Variants in XYLT2 observed in about 807,000 individuals in gnomAD.
XYLT2 encodes the protein xylosyltransferase 2, also known as UDP-D-xylose:proteoglycan core protein beta-D-xylosyltransferase.
Under a neutral mutation model 82.6 loss-of-function variants are expected in XYLT2, and 37 were observed. The ratio of observed to expected loss-of-function variants is 0.45; its 90% CI spans 0.34 to 0.59. The LOEUF is 0.59. XYLT2 is among the 20% of genes least tolerant of loss of function. The pLI is 0.01. For synonymous variants in XYLT2, 474 were observed against 499.0 expected, an observed-to-expected ratio of 0.95 and a Z score of 0.67; for missense variants, 934 against 1,181.3, an observed-to-expected ratio of 0.79 and a Z score of 3.07.
intron 1 of XYLT2, among the ~76,000 whole-genome samples, chr17:50,352,660 G>A (rs1205248566): frequency 6.6e-6 from 1 of 152,232 alleles, no homozygotes; most frequent in Admixed American, 6.5e-5. Flanking sequence ...TTTGAGGAGA[G>A]GCAGCAGGTA....
Position 50,360,575 on chromosome 17 carries a change from T to TTC in XYLT2, c.*285_*286insCT, listed in dbSNP as rs202152162. On this transcript the variant is annotated 3_prime_UTR_variant, in exon 11 of 11. Coordinates refer to ENST00000017003, the MANE Select transcript of XYLT2 (RefSeq NM_022167.4). The stretch of plus-strand genomic sequence containing the variant: ...TAGTTTGAATTTCTTTTTTTTCTTT[T>TTC]TTTTTTTTTTTTTTTAATTTAAAAA... 2.0e-3 allele frequency: 2,159 copies of TTC among 1,090,728 alleles called. 3 individuals are homozygous for TTC. Among genetic ancestry groups the TTC allele is most frequent in the African/African-American group, 3.2e-3 (193 of 59,562 alleles). The allele number at this position is 1,090,728 out of a possible 1,614,324, so 67.6% of individuals were successfully genotyped here. A position where few individuals can be genotyped will look rare whatever the true frequency, so the allele number is the denominator to read the frequency against.
Position 50,346,628 on chromosome 17 carries a change from G to A in XYLT2, c.135+353G>A, listed in dbSNP as rs1912055318. ...CTGGGCCCGAACCTGCTCGGAGGTG[G>A]GGAGCCCCAGGCCAAACTTTCTGAA... On this transcript the variant is annotated intron_variant, in intron 1 of 10. Transcript: ENST00000017003. The surrounding 1 kb of genome is among the most constrained non-coding windows in gnomAD (Gnocchi z 5.1). 9 of 985,360 alleles carry A rather than the reference G, an allele frequency of 9.1e-6. No individual in the cohort carries two copies. Among genetic ancestry groups the A allele is most frequent in the Non-Finnish European group, 1.1e-5 (9 of 829,864 alleles). The allele number at this position is 985,360 out of a possible 1,614,324, so 61.0% of individuals were successfully genotyped here. A position where few individuals can be genotyped will look rare whatever the true frequency, so the allele number is the denominator to read the frequency against.
intron 1 of XYLT2, among the ~76,000 whole-genome samples, chr17:50,350,681 TGAG>T (rs1167740572): frequency 6.6e-6 from 1 of 151,946 alleles, no homozygotes; most frequent in East Asian, 1.9e-4. Context: ...TACAATCTTC[TGAG>T]GAGAAAGACA....
chr17:50,355,671 CA>C, intron 5 of XYLT2, 90 bp downstream of exon 5: 2 of 1,592,056 alleles, frequency 1.3e-6, no homozygotes, highest in Non-Finnish European at 1.7e-6. Flanking sequence ...CCCTGGGTTT[CA>C]AAGCCTCCAC....
At chr17:50,355,429 A>G (rs1912476751) in intron 4 of XYLT2, 72 bp from the exon 5 acceptor site, 11 of 1,525,906 alleles carry the variant, frequency 7.2e-6, no homozygotes, top group Non-Finnish European at 9.1e-6. Flanking sequence ...AAGAAAAGCC[A>G]GAAGGTCCGC....
At chr17:50,347,379 C>CT (rs991586116) in intron 1 of XYLT2, among the ~76,000 whole-genome samples, 3 of 151,914 alleles carry the variant, frequency 2.0e-5, no homozygotes, top group Non-Finnish European at 4.4e-5. Flanking sequence ...CTGCCCTTGC[C>CT]TTTTTTTGGG....
At position 50,358,244 on chromosome 17, in the gene XYLT2, G is replaced by A. The variant is rs764623385; in HGVS notation, c.1979G>A (p.Arg660Gln). Residue 660 changes from arginine (R) to glutamine (Q), a missense_variant, in exon 10 of 11, where the codon CGG becomes CAG. Arg to Gln is a conservative substitution (Grantham distance 43). Transcript: ENST00000017003. ...TDWDPKERLF[R>Q]NFGGLLGPLD... ...TGGGACCCCAAAGAGCGTCTTTTCC[G>A]GAACTTTGGGGGGTTACTGGGGCCG... 18 of 1,610,640 alleles carry A rather than the reference G, an allele frequency of 1.1e-5. No individual in the cohort carries two copies. The highest frequency in any genetic ancestry group is 1.4e-5 in the Non-Finnish European group (16 of 1,178,032).
Position 50,346,807 on chromosome 17 carries a change from G to A in XYLT2, c.135+532G>A. The A allele has an allele frequency of 1.0e-6, 1 of 985,386 alleles. No individual in the cohort carries two copies. Among genetic ancestry groups the A allele is most frequent in the Non-Finnish European group, 1.2e-6 (1 of 829,918 alleles). 61.0% of individuals were successfully genotyped at this position (985,386 alleles called of 1,614,324 possible). A position where few individuals can be genotyped will look rare whatever the true frequency, so the allele number is the denominator to read the frequency against. On this transcript the variant is annotated intron_variant, in intron 1 of 10. Transcript: ENST00000017003. This position sits in a 1 kb window ranked among gnomAD's most constrained non-coding sequence, Gnocchi z 5.1. ...GGCCTGGGACAAAGTGTGTACCCGG[G>A]AACTGAAGGAACAGGGAGTGACGCC...
At chr17:50,350,549 AGAGT>A (rs1912225305) in intron 1 of XYLT2, among the ~76,000 whole-genome samples, 1 of 151,194 alleles carries the variant, frequency 6.6e-6, no homozygotes, top group South Asian at 2.1e-4. Context: ...CCTGGGCAAT[AGAGT>A]GAGACTGCCT....
intron 8 of XYLT2, 48 bp downstream of exon 8, chr17:50,356,821 TA>T: frequency 6.4e-7 from 1 of 1,561,558 alleles, no homozygotes. Flanking sequence ...TGTGGTGCCC[TA>T]GGGGGAGGCC....
chr17:50,354,811 G>A, intron 3 of XYLT2, 43 bp from the exon 4 acceptor site: 2 of 1,607,466 alleles, frequency 1.2e-6, no homozygotes, highest in Non-Finnish European at 1.7e-6. Flanking sequence ...GATTGGGGAT[G>A]GCGATAACAC....
chr17:50,352,085 G>A (rs1320954099), intron 1 of XYLT2, among the ~76,000 whole-genome samples: 1 of 152,208 alleles, frequency 6.6e-6, no homozygotes, highest in Admixed American at 6.5e-5. Flanking sequence ...ATTAAGTCAC[G>A]CTGCTGAAAG....
At chr17:50,355,189 C>T (rs1269144539) in intron 4 of XYLT2, 133 bp downstream of exon 4, 3 of 997,724 alleles carry the variant, frequency 3.0e-6, no homozygotes, top group Non-Finnish European at 2.9e-6. Flanking sequence ...AGACATGGGC[C>T]CCTGGGCCCC....
Position 50,358,295 on chromosome 17 carries a change from G to A in XYLT2, c.2030G>A (p.Arg677His), listed in dbSNP as rs899909648. The change falls in exon 10 of 11, where the codon CGC (arginine) becomes CAC (histidine). Residue 677 changes from arginine to histidine, a missense_variant. Physicochemically the swap from Arg to His is conservative, Grantham distance 29. This residue lies in a region of XYLT2 where 374 missense variants were observed against 465.6 expected (regional missense o/e 0.80). Coordinates refer to ENST00000017003, the MANE Select transcript of XYLT2 (RefSeq NM_022167.4). Reference protein sequence around the residue: ...GPLDEPVAVQRWARGPNLTAT... With the variant: ...GPLDEPVAVQHWARGPNLTAT... ...CTGGACGAGCCTGTGGCCGTGCAGC[G>A]CTGGGCCCGGGGCCCCAACCTCACA... 9 of 1,613,736 alleles carry A rather than the reference G, an allele frequency of 5.6e-6. No individual in the cohort carries two copies. Among genetic ancestry groups the A allele is most frequent in the South Asian group, 4.4e-5 (4 of 91,086 alleles).
At chr17:50,357,393 C>A in intron 9 of XYLT2, 141 bp downstream of exon 9, 1 of 798,446 alleles carries the variant, frequency 1.3e-6, no homozygotes, top group Non-Finnish European at 1.9e-6. Context: ...TGCAGACATC[C>A]TGTGTCACCC....
At chr17:50,356,051 C>CAGCTCACCTTCCACTCTCCCTTGCTGCT (rs1306450266) in intron 6 of XYLT2, 34 bp from the exon 7 acceptor site, 1 of 1,614,086 alleles carries the variant, frequency 6.2e-7, no homozygotes, top group Non-Finnish European at 8.5e-7. Context: ...GGGCTGCCTG[C>CAGCTCACCTTCCACTCTCCCTTGCTGCT]AGCTCACCTT....
intron 9 of XYLT2, chr17:50,357,592 CTTT>C (rs59572285): frequency 1.5e-3 from 236 of 156,212 alleles, no homozygotes; most frequent in East Asian, 3.3e-3. Flanking sequence ...TCCTCATAGT[CTTT>C]TTTTTTTTTT....
In XYLT2 at chr17:50,346,774, G is replaced by A; in HGVS notation, c.135+499G>A. On this transcript the variant is annotated intron_variant, in intron 1 of 10. Coordinates refer to ENST00000017003, the MANE Select transcript of XYLT2 (RefSeq NM_022167.4). This position sits in a 1 kb window ranked among gnomAD's most constrained non-coding sequence, Gnocchi z 5.1. Reference sequence around the variant, plus strand: ...CGGTGAGGAAGGGGAGCTCGGGGGTGGAATTCAGGCCTGGGACAAAGTGTG... The same window carrying A: ...CGGTGAGGAAGGGGAGCTCGGGGGTAGAATTCAGGCCTGGGACAAAGTGTG... The A allele has an allele frequency of 1.0e-6, 1 of 985,414 alleles. No individual in the cohort carries two copies. The highest frequency in any genetic ancestry group is 1.2e-6 in the Non-Finnish European group (1 of 829,918). 61.0% of individuals were successfully genotyped at this position (985,414 alleles called of 1,614,324 possible). A position where few individuals can be genotyped will look rare whatever the true frequency, so the allele number is the denominator to read the frequency against.
chr17:50,357,077 C>A lies in XYLT2; in HGVS notation c.1766C>A (p.Pro589Gln). ...PLCRFEPRGL[P>Q]SSVHLYFYDD... is the part of the protein sequence containing the mutation. ...CTTAGGTTTGAGCCCAGGGGCTTGCCGTCCAGCGTGCACCTGTATTTCTAT... is the reference window on the plus strand; with the variant it reads ...CTTAGGTTTGAGCCCAGGGGCTTGCAGTCCAGCGTGCACCTGTATTTCTAT... The change falls in exon 9 of 11, where the codon CCG becomes CAG. Residue 589 changes from proline to glutamine, a missense_variant. Physicochemically the swap from Pro to Gln is moderately conservative, Grantham distance 76 (BLOSUM62 -1). Around this residue, in one of 3 missense-constraint regions of XYLT2, gnomAD observed 374 missense variants for 465.6 expected, o/e 0.80. Transcript: ENST00000017003. The A allele has an allele frequency of 6.2e-7, 1 of 1,607,634 alleles. No homozygotes were observed. The highest frequency in any genetic ancestry group is 8.5e-7 in the Non-Finnish European group (1 of 1,176,420).
Sources: allele counts gnomAD v4.1 joint callset (sites outside exome capture counted in the v4.1 genomes callset), GRCh38; gene constraint gnomAD v4.1.1; regional missense constraint gnomAD v4.1.1; non-coding constraint Gnocchi (gnomAD v3.1); transcripts MANE v1.5; gene names NCBI Gene and HGNC (gene_info 2026-07-23, HGNC 2026-07-21).